Variants in CNTNAP2 observed in about 807,000 individuals in gnomAD.
CNTNAP2 encodes contactin associated protein 2.
A neutral mutation model predicts 155.2 loss-of-function variants in CNTNAP2; 98 were observed. The observed-to-expected ratio is 0.63, with a 90% CI of 0.54 to 0.75. The LOEUF (loss-of-function observed/expected upper bound fraction) is 0.75. Among genes scored for constraint, CNTNAP2 ranks in the 30% least tolerant of loss-of-function variants. The pLI is 0.00. For synonymous variants in CNTNAP2, 651 were observed against 631.2 expected, an observed-to-expected ratio of 1.03 and a Z score of -0.47; for missense variants, 1,727 against 1,688.1, an observed-to-expected ratio of 1.02 and a Z score of -0.40.
chr7:146,685,752 A>C (rs1015635222), intron 1 of CNTNAP2, among the ~76,000 whole-genome samples: 4 of 152,090 alleles, frequency 2.6e-5, no homozygotes, highest in Non-Finnish European at 4.4e-5. Context: ...TTTGACATCT[A>C]AGACATGTGT....
intron 1 of CNTNAP2, among the ~76,000 whole-genome samples, chr7:146,615,326 G>A (rs1400529840): frequency 6.6e-6 from 1 of 152,128 alleles, no homozygotes; most frequent in Non-Finnish European, 1.5e-5. Context: ...AGTCTTGCCA[G>A]TTATGTCCCC....
chr7:147,890,481 C>T (rs937214760), intron 13 of CNTNAP2, among the ~76,000 whole-genome samples: 1 of 152,182 alleles, frequency 6.6e-6, no homozygotes, highest in African/African-American at 2.4e-5. Context: ...CCAGCCATCT[C>T]TCTACCTGCT....
intron 5 of CNTNAP2, among the ~76,000 whole-genome samples, chr7:147,115,438 T>A (rs1800966105): frequency 6.6e-6 from 1 of 152,158 alleles, no homozygotes; most frequent in Admixed American, 6.5e-5. Flanking sequence ...ATTCTCCCGG[T>A]CTCTCCCAGG....
chr7:147,231,192 G>T (rs936443999), intron 8 of CNTNAP2, among the ~76,000 whole-genome samples: 1 of 152,208 alleles, frequency 6.6e-6, no homozygotes, highest in Non-Finnish European at 1.5e-5. Context: ...TGAAATTTGG[G>T]TGGGGACACA....
At chr7:147,293,280 CA>C (rs1359767963) in intron 8 of CNTNAP2, among the ~76,000 whole-genome samples, 4 of 152,106 alleles carry the variant, frequency 2.6e-5, no homozygotes, top group African/African-American at 9.7e-5. Context: ...CACCTTTTTA[CA>C]TGTTTTATCT....
intron 14 of CNTNAP2, among the ~76,000 whole-genome samples, chr7:147,957,295 GAT>G (rs1416429875): frequency 6.6e-6 from 1 of 152,134 alleles, no homozygotes; most frequent in Non-Finnish European, 1.5e-5. Flanking sequence ...GTTTCTCAAA[GAT>G]GTGATAATTA....
chr7:146,476,865 C>T (rs1345175964), intron 1 of CNTNAP2, among the ~76,000 whole-genome samples: 2 of 152,148 alleles, frequency 1.3e-5, no homozygotes, highest in Non-Finnish European at 2.9e-5. Flanking sequence ...CATAGGCGCA[C>T]ATGCTCTAGC....
At chr7:146,615,294 A>C (rs1256709868) in intron 1 of CNTNAP2, among the ~76,000 whole-genome samples, 1 of 152,204 alleles carries the variant, frequency 6.6e-6, no homozygotes, top group Admixed American at 6.5e-5. Flanking sequence ...AGTTACTTGA[A>C]AGTCTAGAAA....
intron 1 of CNTNAP2, among the ~76,000 whole-genome samples, chr7:146,125,615 A>C (rs992265653): frequency 5.4e-5 from 8 of 147,004 alleles, no homozygotes; most frequent in Admixed American, 5.4e-4. Flanking sequence ...AAGAATAACT[A>C]TTTTATTGTG....
intron 1 of CNTNAP2, among the ~76,000 whole-genome samples, chr7:146,355,329 A>G (rs1021697062): frequency 3.3e-5 from 5 of 152,210 alleles, no homozygotes; most frequent in African/African-American, 1.2e-4. Context: ...GGGGTGTGCT[A>G]ATAGTGTCAG....
intron 1 of CNTNAP2, among the ~76,000 whole-genome samples, chr7:146,610,051 C>T (rs775216036): frequency 2.0e-5 from 3 of 152,134 alleles, no homozygotes; most frequent in African/African-American, 2.4e-5. Context: ...TGAAACTCGG[C>T]GAGAACCATT....
chr7:148,420,706 G>C lies in CNTNAP2; in HGVS notation c.*5090G>C, dbSNP rs938887161. On this transcript the variant is annotated 3_prime_UTR_variant, in exon 24 of 24. Coordinates refer to ENST00000361727, the MANE Select transcript of CNTNAP2 (RefSeq NM_014141.6). ...AAGAAACAGTTCTAGATTTTACTAA[G>C]TTTTATTTTGTCAGGTTTTTTAAAT... 1.3e-5 allele frequency: 2 copies of C among 152,570 alleles called. No homozygotes were observed. The highest frequency in any genetic ancestry group is 2.9e-5 in the Non-Finnish European group (2 of 68,030). 9.5% of individuals were successfully genotyped at this position (152,570 alleles called of 1,614,324 possible).
intron 8 of CNTNAP2, among the ~76,000 whole-genome samples, chr7:147,153,749 G>A (rs566149910): frequency 2.0e-5 from 3 of 152,270 alleles, no homozygotes; most frequent in South Asian, 4.1e-4. Flanking sequence ...GAAACTGGAA[G>A]CAACTAAAGT....
chr7:146,167,321 CAGA>C (rs1212826337), intron 1 of CNTNAP2, among the ~76,000 whole-genome samples: 3 of 152,140 alleles, frequency 2.0e-5, no homozygotes, highest in Non-Finnish European at 4.4e-5. Context: ...TGTGGAAACA[CAGA>C]AGAAGAGACT....
intron 1 of CNTNAP2, among the ~76,000 whole-genome samples, chr7:146,758,093 A>T (rs894237491): frequency 1.3e-5 from 2 of 152,112 alleles, no homozygotes; most frequent in Non-Finnish European, 2.9e-5. Context: ...AATTGTTCCC[A>T]ATTCCTTTCT....
intron 9 of CNTNAP2, among the ~76,000 whole-genome samples, chr7:147,366,780 C>T (rs550142043): frequency 4.1e-5 from 2 of 48,292 alleles, no homozygotes; most frequent in Admixed American, 3.7e-4. Context: ...ATTTGTTGCA[C>T]GCACACACAC....
chr7:147,960,203 G>T (rs1256586694), intron 14 of CNTNAP2, among the ~76,000 whole-genome samples: 6 of 152,066 alleles, frequency 3.9e-5, no homozygotes, highest in Non-Finnish European at 5.9e-5. Context: ...TTCCTGCATG[G>T]GTGAGGGAAA....
In CNTNAP2 at chr7:146,975,483, CA is replaced by C. The variant is rs569674240; in HGVS notation, c.403-68416del. On this transcript the variant is annotated intron_variant, in intron 3 of 23. Transcript: ENST00000361727. ...CTGTCTAAGAAAAAATAATAATAAACAAAAAAAATAGTGGCTCATGTTTCAC... is the reference window on the plus strand; with the variant it reads ...CTGTCTAAGAAAAAATAATAATAAACAAAAAAATAGTGGCTCATGTTTCAC... 5.3e-5 allele frequency among the ~76,000 whole-genome samples: 8 copies of C among 151,680 alleles called. No individual in the cohort carries two copies. The East Asian group carries it at 1.5e-3, about 29-fold the overall frequency.
At chr7:148,139,687 C>T (rs940335076) in intron 16 of CNTNAP2, among the ~76,000 whole-genome samples, 1 of 151,956 alleles carries the variant, frequency 6.6e-6, no homozygotes, top group African/African-American at 2.4e-5. Flanking sequence ...TTACAGGCAC[C>T]CTCTATCATG....
Sources: allele counts gnomAD v4.1 joint callset (sites outside exome capture counted in the v4.1 genomes callset), GRCh38; gene constraint gnomAD v4.1.1; transcripts MANE v1.5; gene names NCBI Gene and HGNC (gene_info 2026-07-23, HGNC 2026-07-21).